RBFOX1: variants seen among roughly 807,000 people sequenced by gnomAD.
RBFOX1 encodes the protein RNA binding fox-1 homolog 1.
RBFOX1 carries 8 observed loss-of-function variants against 57.7 expected under a neutral mutation model. The observed-to-expected ratio is 0.14, with a 90% CI of 0.08 to 0.25. RBFOX1 has a LOEUF of 0.25. Ranked by LOEUF, RBFOX1 falls within the 10% of genes least tolerant of loss-of-function variation. The pLI is 1.00. For missense variants in RBFOX1, 611 were observed against 548.5 expected, an observed-to-expected ratio of 1.11 and a Z score of -1.14; for synonymous variants, 326 against 222.4, an observed-to-expected ratio of 1.47 and a Z score of -4.15.
chr16:6,365,849 G>T (rs1341742917), intron 2 of RBFOX1, among the ~76,000 whole-genome samples: 1 of 152,188 alleles, frequency 6.6e-6, no homozygotes, highest in Non-Finnish European at 1.5e-5. Context: ...AAGATATCTA[G>T]ATCTAGGCAG....
chr16:5,448,515 C>T (rs1337605503), intron 1 of RBFOX1, among the ~76,000 whole-genome samples: 1 of 152,196 alleles, frequency 6.6e-6, no homozygotes, highest in Non-Finnish European at 1.5e-5. Context: ...TCTCACTTTC[C>T]AAGCCAGACA....
chr16:6,827,740 G>T (rs1445398585), intron 3 of RBFOX1, among the ~76,000 whole-genome samples: 1 of 152,034 alleles, frequency 6.6e-6, no homozygotes, highest in East Asian at 1.9e-4. Flanking sequence ...CCCCTACATG[G>T]ATCTCCGGTC....
At chr16:7,437,846 G>A (rs1272983886) in intron 4 of RBFOX1, among the ~76,000 whole-genome samples, 1 of 150,936 alleles carries the variant, frequency 6.6e-6, no homozygotes, top group East Asian at 1.9e-4. Context: ...ACAGGAGGCA[G>A]TCCATTGGAA....
chr16:6,242,630 A>ATTAT (rs757119334), intron 1 of RBFOX1, among the ~76,000 whole-genome samples: 4 of 35,016 alleles, frequency 1.1e-4, no homozygotes, highest in Non-Finnish European at 2.6e-4. Flanking sequence ...TTTATTGCAA[A>ATTAT]CACACACACA....
At chr16:5,821,730 G>C (rs1178983005) in intron 3 of RBFOX1, among the ~76,000 whole-genome samples, 1 of 152,138 alleles carries the variant, frequency 6.6e-6, no homozygotes, top group Non-Finnish European at 1.5e-5. Flanking sequence ...CGTAGTTCTG[G>C]AGGGTGGGAA....
intron 3 of RBFOX1, among the ~76,000 whole-genome samples, chr16:5,672,519 A>G (rs1178495892): frequency 6.6e-6 from 1 of 152,188 alleles, no homozygotes; most frequent in Non-Finnish European, 1.5e-5. Flanking sequence ...AGACCCTAGC[A>G]AGGACCCAAC....
chr16:6,463,118 G>T (rs192835757), intron 2 of RBFOX1, among the ~76,000 whole-genome samples: 294 of 151,798 alleles, frequency 1.9e-3, no homozygotes, highest in African/African-American at 6.5e-3. Context: ...TATAAAAACA[G>T]CCTCTTGTAA....
chr16:7,321,496 C>T (rs1008283542), intron 4 of RBFOX1, among the ~76,000 whole-genome samples: 10 of 152,102 alleles, frequency 6.6e-5, no homozygotes, highest in African/African-American at 2.4e-4. Context: ...CGTGGAAAGG[C>T]AGCATAACAT....
chr16:5,760,751 T>C (rs1273364961), intron 3 of RBFOX1, among the ~76,000 whole-genome samples: 2 of 152,112 alleles, frequency 1.3e-5, no homozygotes, highest in Non-Finnish European at 2.9e-5. Flanking sequence ...TTGAAAGTAA[T>C]GACAAAAACC....
intron 3 of RBFOX1, among the ~76,000 whole-genome samples, chr16:6,834,411 GC>G (rs761278334): frequency 6.6e-6 from 1 of 152,150 alleles, no homozygotes; most frequent in South Asian, 2.1e-4. Flanking sequence ...GATCTCTTGG[GC>G]TATTGGGAGA....
Position 5,441,029 on chromosome 16 carries a change from A to G in RBFOX1, c.220-26187A>G, listed in dbSNP as rs574896756. Reference sequence around the variant, plus strand: ...GAAGTAGCTTTTCAAGAACAAATTGATCGTGAAAATGAAGGTCTGTCTCCA... The same window carrying G: ...GAAGTAGCTTTTCAAGAACAAATTGGTCGTGAAAATGAAGGTCTGTCTCCA... On this transcript the variant is annotated intron_variant, in intron 1 of 2. Coordinates refer to the RBFOX1 transcript ENST00000585867. 2.0e-3 allele frequency among the ~76,000 whole-genome samples: 305 copies of G among 152,290 alleles called. 2 individuals carry two copies. The highest frequency in any genetic ancestry group is 7.1e-3 in the African/African-American group (297 of 41,568).
chr16:5,537,257 G>C (rs2044737674), intron 2 of RBFOX1, among the ~76,000 whole-genome samples: 1 of 152,138 alleles, frequency 6.6e-6, no homozygotes, highest in African/African-American at 2.4e-5. Context: ...ACGGTTCTCA[G>C]AATTCTTTTA....
intron 2 of RBFOX1, among the ~76,000 whole-genome samples, chr16:5,472,364 A>C (rs3848383): frequency 0.1 from 15,328 of 151,936 alleles, 1,025 homozygotes; most frequent in African/African-American, 0.2. Context: ...CCCAACCCCC[A>C]TTGCAAGAAA....
At chr16:5,842,473 C>T (rs188827111) in intron 3 of RBFOX1, among the ~76,000 whole-genome samples, 3 of 152,268 alleles carry the variant, frequency 2.0e-5, no homozygotes, top group Non-Finnish European at 2.9e-5. Flanking sequence ...TATTAAGCAC[C>T]TACTGCATGC....
intron 2 of RBFOX1, among the ~76,000 whole-genome samples, chr16:5,595,945 A>G (rs865806232): frequency 1.4e-4 from 21 of 152,284 alleles, no homozygotes; most frequent in Admixed American, 1.3e-3. Flanking sequence ...AAGTCTCTTG[A>G]GAAGAGCAGA....
At chr16:5,809,841 C>G (rs1370554519) in intron 3 of RBFOX1, among the ~76,000 whole-genome samples, 1 of 151,988 alleles carries the variant, frequency 6.6e-6, no homozygotes, top group Non-Finnish European at 1.5e-5. Context: ...ACCCAAAGGA[C>G]TATAAATCAC....
intron 1 of RBFOX1, among the ~76,000 whole-genome samples, chr16:6,211,419 AG>A (rs1208502468): frequency 6.6e-6 from 1 of 151,758 alleles, no homozygotes; most frequent in East Asian, 1.9e-4. Context: ...TAGTAGAGAC[AG>A]GGTTTCTTCG....
chr16:7,643,829 A>G (rs890749953), intron 11 of RBFOX1, among the ~76,000 whole-genome samples: 10 of 152,304 alleles, frequency 6.6e-5, no homozygotes, highest in African/African-American at 2.2e-4. Flanking sequence ...TTGAAATCTC[A>G]GAACTTAAGT....
At chr16:7,036,912 A>G (rs544086993) in intron 3 of RBFOX1, among the ~76,000 whole-genome samples, 1 of 152,154 alleles carries the variant, frequency 6.6e-6, no homozygotes, top group East Asian at 1.9e-4. Flanking sequence ...TTTTATGGTT[A>G]TTTCTTGATG....
Sources: gnomAD v4.1 joint callset for allele counts (sites outside exome capture counted in the v4.1 genomes callset) on GRCh38, gnomAD v4.1.1 for gene constraint, MANE v1.5 for transcripts, NCBI Gene and HGNC (gene_info 2026-07-23, HGNC 2026-07-21) for gene names.